AMBRA1: variants seen among roughly 807,000 people sequenced by gnomAD.
AMBRA1 encodes the protein autophagy and beclin 1 regulator 1.
In AMBRA1, 47 loss-of-function variants were observed where a neutral mutation model predicts 125.4. The ratio of observed to expected loss-of-function variants is 0.37; its 90% CI spans 0.30 to 0.48. The LOEUF is 0.48. AMBRA1 is among the 20% of genes least tolerant of loss of function. The probability of loss-of-function intolerance (pLI) is 0.99; values close to 1 mark genes in which losing one functional copy is unlikely to be tolerated. For synonymous variants in AMBRA1, 626 were observed against 655.5 expected (o/e 0.95, Z 0.69); for missense variants, 1,331 against 1,693.4 (o/e 0.79, Z 3.76).
chr11:46,501,597 A>G (rs1024702261), intron 9 of AMBRA1, among the ~76,000 whole-genome samples: 6 of 152,252 alleles, frequency 3.9e-5, no homozygotes, highest in Non-Finnish European at 5.9e-5. Flanking sequence ...GTTCCTGTTT[A>G]TGTTTTAACT....
chr11:46,587,631 T>C (rs1209205243), intron 1 of AMBRA1, among the ~76,000 whole-genome samples: 2 of 152,210 alleles, frequency 1.3e-5, no homozygotes, highest in African/African-American at 4.8e-5. Flanking sequence ...CTCTAATCCC[T>C]GTAAATACCC....
intron 1 of AMBRA1, among the ~76,000 whole-genome samples, chr11:46,583,330 C>T (rs1038872757): frequency 7.3e-5 from 11 of 151,626 alleles, no homozygotes; most frequent in African/African-American, 2.7e-4. Context: ...CCCTTCCTTA[C>T]ACCTTATACA....
chr11:46,568,296 A>G (rs187620311), intron 1 of AMBRA1, among the ~76,000 whole-genome samples: 1 of 152,186 alleles, frequency 6.6e-6, no homozygotes, highest in Non-Finnish European at 1.5e-5. Context: ...CGTCTCTACT[A>G]AAAATACAAA....
chr11:46,489,215 C>A (rs1290758207), intron 11 of AMBRA1, among the ~76,000 whole-genome samples: 2 of 152,142 alleles, frequency 1.3e-5, no homozygotes, highest in Admixed American at 6.6e-5. Context: ...ATCCCTCCCC[C>A]GCTCTCCCCA....
chr11:46,486,906 A>AACAT (rs1291550945), intron 11 of AMBRA1, among the ~76,000 whole-genome samples: 1 of 128,674 alleles, frequency 7.8e-6, no homozygotes, highest in Non-Finnish European at 1.6e-5. Flanking sequence ...ACTCCATCTC[A>AACAT]ACATAAATAA....
intron 1 of AMBRA1, among the ~76,000 whole-genome samples, chr11:46,573,303 G>A (rs2043832523): frequency 6.6e-6 from 1 of 151,860 alleles, no homozygotes; most frequent in South Asian, 2.1e-4. Context: ...TACTCAGGAG[G>A]CTGAGGCAGA....
intron 1 of AMBRA1, among the ~76,000 whole-genome samples, chr11:46,560,757 G>C (rs1357119741): frequency 1.3e-5 from 2 of 152,068 alleles, no homozygotes; most frequent in East Asian, 1.9e-4. Context: ...GACCAAGAAG[G>C]CTACTCTTAA....
intron 14 of AMBRA1, among the ~76,000 whole-genome samples, chr11:46,420,698 G>C (rs911454702): frequency 6.6e-6 from 1 of 152,174 alleles, no homozygotes; most frequent in Non-Finnish European, 1.5e-5. Flanking sequence ...CAGATGGTGT[G>C]AGCAGAGCAC....
chr11:46,575,561 G>C (rs1245513356), intron 1 of AMBRA1, among the ~76,000 whole-genome samples: 1 of 138,916 alleles, frequency 7.2e-6, no homozygotes, highest in African/African-American at 2.7e-5. Context: ...CCGTCACCCA[G>C]GCTGGAGTAC....
intron 5 of AMBRA1, among the ~76,000 whole-genome samples, chr11:46,544,489 G>A (rs1334187144): frequency 6.6e-6 from 1 of 152,146 alleles, no homozygotes; most frequent in Non-Finnish European, 1.5e-5. Flanking sequence ...AAATTGGCCT[G>A]TATTCGACTG....
intron 17 of AMBRA1, among the ~76,000 whole-genome samples, chr11:46,402,139 C>T (rs749592474): frequency 3.9e-5 from 6 of 152,232 alleles, no homozygotes; most frequent in Admixed American, 6.5e-5. Flanking sequence ...CACAACTCCC[C>T]GTAGCTGTGG....
At chr11:46,466,331 A>G (rs558341168) in intron 11 of AMBRA1, among the ~76,000 whole-genome samples, 29 of 149,974 alleles carry the variant, frequency 1.9e-4, no homozygotes, top group African/African-American at 5.7e-4. Context: ...TGGGCAACAG[A>G]GCAAGACTCT....
Position 46,508,177 on chromosome 11 carries a change from G to T in AMBRA1, c.2339+14C>A. On this transcript the variant is annotated intron_variant, in intron 9 of 17. Coordinates refer to ENST00000683756, the MANE Select transcript of AMBRA1 (RefSeq NM_001387011.1). ...GAGAGGAGAGGGAAGAAAGCAAGCTGAGTATGTACTTACTCAAAGTCCTCA... is the reference window on the plus strand; with the variant it reads ...GAGAGGAGAGGGAAGAAAGCAAGCTTAGTATGTACTTACTCAAAGTCCTCA... 1 of 1,613,838 alleles carries T rather than the reference G, an allele frequency of 6.2e-7. No homozygotes were observed.
At chr11:46,478,385 A>C (rs1389726103) in intron 11 of AMBRA1, among the ~76,000 whole-genome samples, 2 of 152,096 alleles carry the variant, frequency 1.3e-5, no homozygotes, top group Non-Finnish European at 2.9e-5. Flanking sequence ...TGTCAGTCTT[A>C]CTCCTACACA....
chr11:46,473,792 G>A (rs1358049686), intron 11 of AMBRA1, among the ~76,000 whole-genome samples: 2 of 152,040 alleles, frequency 1.3e-5, no homozygotes, highest in African/African-American at 2.4e-5. Flanking sequence ...CTGGCACTAC[G>A]GACACCCACC....
intron 17 of AMBRA1, among the ~76,000 whole-genome samples, chr11:46,402,586 G>A (rs1484510812): frequency 2.0e-5 from 3 of 151,904 alleles, no homozygotes; most frequent in Admixed American, 2.0e-4. Flanking sequence ...GGCTGGTCTC[G>A]AACTCCTGAC....
At chr11:46,444,098 C>T (rs1948157903) in intron 11 of AMBRA1, among the ~76,000 whole-genome samples, 1 of 152,144 alleles carries the variant, frequency 6.6e-6, no homozygotes, top group Non-Finnish European at 1.5e-5. Flanking sequence ...AGGCTTCCTC[C>T]AGGGAAGAGG....
At chr11:46,476,850 C>T (rs1044210977) in intron 11 of AMBRA1, among the ~76,000 whole-genome samples, 7 of 152,152 alleles carry the variant, frequency 4.6e-5, no homozygotes, top group Non-Finnish European at 7.3e-5. Flanking sequence ...TGGTGCCTCA[C>T]GCCTGTAATT....
At chr11:46,528,422 T>C (rs1057202259) in intron 7 of AMBRA1, among the ~76,000 whole-genome samples, 24 of 152,198 alleles carry the variant, frequency 1.6e-4, no homozygotes, top group African/African-American at 5.5e-4. Flanking sequence ...CTGCCTGCCT[T>C]GGACTCCCAA....
Sources: allele counts gnomAD v4.1 joint callset (sites outside exome capture counted in the v4.1 genomes callset), GRCh38; gene constraint gnomAD v4.1.1; transcripts MANE v1.5; gene names NCBI Gene and HGNC (gene_info 2026-07-23, HGNC 2026-07-21).